The following ANK3 variants were observed in gnomAD, a reference collection of about 807,000 sequenced individuals.
The protein encoded by ANK3 is ankyrin 3.
Under a neutral mutation model 370.9 loss-of-function variants are expected in ANK3, and 57 were observed. The observed-to-expected ratio is 0.15, with a 90% CI of 0.12 to 0.19. ANK3 has a LOEUF of 0.19. Among genes scored for constraint, ANK3 ranks in the 10% least tolerant of loss-of-function variants. The pLI, the probability that ANK3 is intolerant of heterozygous loss-of-function variation, is 1.00. For synonymous variants in ANK3, 1,929 were observed against 1,946.3 expected, an observed-to-expected ratio of 0.99 and a Z score of 0.23; for missense variants, 4,439 against 5,302.1, an observed-to-expected ratio of 0.84 and a Z score of 5.06.
Position 60,451,598 on chromosome 10 carries a change from T to G in ANK3, c.96+163588A>C, listed in dbSNP as rs1446506680. ...TTCACTTCCTACCCAGAACACAGAA[T>G]CAGACTTTTTTGTCTTTTCCTTAAC... On this transcript the variant is annotated intron_variant, in intron 2 of 43. Coordinates refer to the ANK3 transcript ENST00000373827. Among the ~76,000 whole-genome samples, 3 of 152,186 alleles carry G rather than the reference T, an allele frequency of 2.0e-5. No individual in the cohort carries two copies. The East Asian group carries it at 5.8e-4, about 29-fold the overall frequency.
At chr10:60,210,184 G>C (rs1157386186) in intron 9 of ANK3, among the ~76,000 whole-genome samples, 2 of 152,166 alleles carry the variant, frequency 1.3e-5, no homozygotes, top group Non-Finnish European at 1.5e-5. Flanking sequence ...CACTCAACAA[G>C]GAAAAGTTCT....
chr10:60,228,853 T>C (rs1417318582), intron 8 of ANK3, among the ~76,000 whole-genome samples: 1 of 152,168 alleles, frequency 6.6e-6, no homozygotes, highest in African/African-American at 2.4e-5. Context: ...AGCAATTATC[T>C]AAAATAAAAC....
chr10:60,448,509 T>C (rs147192853), intron 2 of ANK3, among the ~76,000 whole-genome samples: 8 of 152,338 alleles, frequency 5.3e-5, no homozygotes, highest in Non-Finnish European at 8.8e-5. Flanking sequence ...CATTTTCTGT[T>C]TTCTAAGACA....
chr10:60,081,042 GA>G (rs1407610671), intron 35 of ANK3, among the ~76,000 whole-genome samples: 3 of 151,276 alleles, frequency 2.0e-5, no homozygotes, highest in African/African-American at 7.3e-5. Flanking sequence ...TGAGGAGATT[GA>G]AAACAGATGA....
chr10:60,596,314 A>G (rs1233033458), intron 2 of ANK3, among the ~76,000 whole-genome samples: 1 of 152,188 alleles, frequency 6.6e-6, no homozygotes, highest in Non-Finnish European at 1.5e-5. Context: ...TGAACACTCA[A>G]CAATAATGAA....
intron 1 of ANK3, among the ~76,000 whole-genome samples, chr10:60,645,487 G>A (rs1203269789): frequency 1.3e-5 from 2 of 152,138 alleles, no homozygotes; most frequent in African/African-American, 4.8e-5. Flanking sequence ...GACTTTGGGA[G>A]GCTGAAACTG....
At chr10:60,709,275 A>ATATATCTATATCTATATC (rs60343604) in intron 1 of ANK3, among the ~76,000 whole-genome samples, 30 of 143,518 alleles carry the variant, frequency 2.1e-4, no homozygotes, top group East Asian at 8.3e-4. Context: ...AACCAATAGG[A>ATATATCTATATCTATATC]TATATCTATA....
chr10:60,130,483 G>A (rs1412464024), intron 25 of ANK3, among the ~76,000 whole-genome samples: 1 of 152,170 alleles, frequency 6.6e-6, no homozygotes, highest in East Asian at 1.9e-4. Context: ...CAATGACAGT[G>A]CAGTTTTAAA....
At chr10:60,212,312 C>T (rs553242465) in intron 9 of ANK3, among the ~76,000 whole-genome samples, 4 of 152,134 alleles carry the variant, frequency 2.6e-5, no homozygotes, top group Admixed American at 1.3e-4. Context: ...GCCACTCTGA[C>T]TGCAAAGTGG....
intron 42 of ANK3, among the ~76,000 whole-genome samples, chr10:60,046,799 G>A (rs1013353705): frequency 2.1e-5 from 3 of 141,194 alleles, no homozygotes; most frequent in African/African-American, 8.2e-5. Flanking sequence ...ATGGGAGAAA[G>A]TAATCTCAAT....
chr10:60,512,440 A>G (rs1226313494), intron 2 of ANK3, among the ~76,000 whole-genome samples: 1 of 152,142 alleles, frequency 6.6e-6, no homozygotes, highest in Non-Finnish European at 1.5e-5. Flanking sequence ...GATACCACCA[A>G]TTGGGAAAGT....
chr10:60,634,793 C>A (rs148575221), intron 1 of ANK3, among the ~76,000 whole-genome samples: 1 of 152,010 alleles, frequency 6.6e-6, no homozygotes, highest in Non-Finnish European at 1.5e-5. Context: ...GCGAACCCAC[C>A]GGGAGAAACA....
At chr10:60,061,949 C>G (rs2080575073) in intron 40 of ANK3, 1 of 152,068 alleles carries the variant, frequency 6.6e-6, no homozygotes, top group Admixed American at 6.6e-5. Flanking sequence ...GCCTCCACAC[C>G]ATCATCAAAT....
chr10:60,452,832 C>T (rs1179186861), intron 2 of ANK3, among the ~76,000 whole-genome samples: 6 of 152,148 alleles, frequency 3.9e-5, no homozygotes, highest in African/African-American at 1.4e-4. Context: ...TCTGTGGCTA[C>T]TGGAAAGTTC....
chr10:60,128,624 A>ACCT, intron 25 of ANK3, among the ~76,000 whole-genome samples: 1 of 151,514 alleles, frequency 6.6e-6, no homozygotes, highest in Non-Finnish European at 1.5e-5. Flanking sequence ...CAAATGATCC[A>ACCT]CCCACCTTGG....
At chr10:60,030,783 A>T (rs2073306699) in intron 43 of ANK3, among the ~76,000 whole-genome samples, 1 of 152,004 alleles carries the variant, frequency 6.6e-6, no homozygotes, top group Non-Finnish European at 1.5e-5. Flanking sequence ...TCCTGCAAAA[A>T]CCTGGTGCTT....
chr10:60,161,691 T>A (rs909093315), intron 23 of ANK3, among the ~76,000 whole-genome samples: 2 of 151,336 alleles, frequency 1.3e-5, no homozygotes, highest in African/African-American at 4.9e-5. Context: ...AAAAAAAAAA[T>A]TGAACTCATG....
chr10:60,286,911 A>C (rs1186797100), intron 1 of ANK3, among the ~76,000 whole-genome samples: 7 of 152,156 alleles, frequency 4.6e-5, no homozygotes, highest in African/African-American at 1.7e-4. Context: ...TACACGGATA[A>C]ATTTAGATCT....
At chr10:60,562,151 A>G (rs551483231) in intron 2 of ANK3, among the ~76,000 whole-genome samples, 2 of 152,334 alleles carry the variant, frequency 1.3e-5, no homozygotes, top group South Asian at 4.1e-4. Flanking sequence ...AATGCCCAAC[A>G]AACATATCTC....
Sources: allele counts gnomAD v4.1 joint callset (sites outside exome capture counted in the v4.1 genomes callset), GRCh38; gene constraint gnomAD v4.1.1; transcripts MANE v1.5; gene names NCBI Gene and HGNC (gene_info 2026-07-23, HGNC 2026-07-21).